MEI4: variants seen among roughly 807,000 people sequenced by gnomAD.
MEI4 encodes the protein meiotic double-stranded break formation protein 4.
MEI4 carries 27 observed loss-of-function variants against 31.4 expected under a neutral mutation model. That is an observed-to-expected ratio of 0.86 (90% confidence interval 0.63 to 1.19). MEI4 has a LOEUF of 1.19. Among genes scored for constraint, MEI4 ranks in the 50% most tolerant of loss-of-function variants. The pLI is 0.00. For missense variants in MEI4, 329 were observed against 398.9 expected (o/e 0.82, Z 1.49); for synonymous variants, 122 against 145.4 (o/e 0.84, Z 1.16).
Position 77,820,052 on chromosome 6 carries a change from T to G in MEI4, c.769-8879T>G, listed in dbSNP as rs1769780287. On this transcript the variant is annotated intron_variant, in intron 3 of 4. Transcript: ENST00000684080. The surrounding 1 kb of genome is among the most constrained non-coding windows in gnomAD (Gnocchi z 4.5). ...GCTTTCTGAGGACCTAAATCTTATT[T>G]TTTTCTGAATGGTTTTCCTTCTATC... 6.6e-6 allele frequency among the ~76,000 whole-genome samples: 1 copy of G among 152,182 alleles called. No individual in the cohort carries two copies. The highest frequency in any genetic ancestry group is 1.5e-5 in the Non-Finnish European group (1 of 68,024).
intron 2 of MEI4, among the ~76,000 whole-genome samples, chr6:77,744,400 G>T (rs185344926): frequency 6.6e-6 from 1 of 152,044 alleles, no homozygotes; most frequent in Non-Finnish European, 1.5e-5. Flanking sequence ...GAAATGAAGC[G>T]ACAAGAGAAG....
intron 4 of MEI4, among the ~76,000 whole-genome samples, chr6:77,902,240 G>A (rs1245985780): frequency 1.3e-5 from 2 of 151,924 alleles, no homozygotes; most frequent in Non-Finnish European, 2.9e-5. Flanking sequence ...CTTTTTCTGT[G>A]ACAAAATTCA....
At chr6:77,731,932 A>G (rs568341706) in intron 2 of MEI4, among the ~76,000 whole-genome samples, 2 of 150,588 alleles carry the variant, frequency 1.3e-5, no homozygotes, top group Non-Finnish European at 3.0e-5. Context: ...AAGATCAGAT[A>G]GTTGTACATA....
Position 77,787,447 on chromosome 6 carries a change from C to G in MEI4, c.768+25782C>G, listed in dbSNP as rs55830801. Among the ~76,000 whole-genome samples, 1,391 of 152,280 alleles carry G rather than the reference C, an allele frequency of 9.1e-3. 17 individuals carry two copies. Among genetic ancestry groups the G allele is most frequent in the African/African-American group, 0.031 (1,288 of 41,556 alleles). ...GTTGGTGGGGTGGTAGCCATCCCAACAGCCTTGGACCTCACTGCAGATCTA... is the reference window on the plus strand; with the variant it reads ...GTTGGTGGGGTGGTAGCCATCCCAAGAGCCTTGGACCTCACTGCAGATCTA... On this transcript the variant is annotated intron_variant, in intron 3 of 4. Coordinates refer to ENST00000684080, the MANE Select transcript of MEI4 (RefSeq NM_001322247.2).
At chr6:77,784,587 A>G (rs1768681955) in intron 3 of MEI4, among the ~76,000 whole-genome samples, 1 of 152,186 alleles carries the variant, frequency 6.6e-6, no homozygotes, top group Non-Finnish European at 1.5e-5. Context: ...AAGAAACTGT[A>G]CATCCTTAGG....
At position 77,923,722 on chromosome 6, in the gene MEI4, T is replaced by TGATGCTAAATGGTAATC. The variant is rs1766769771; in HGVS notation, c.*376_*377insGATGCTAAATGGTAATC. 4.6e-5 allele frequency: 3 copies of TGATGCTAAATGGTAATC among 64,810 alleles called. No individual in the cohort carries two copies. Among genetic ancestry groups the TGATGCTAAATGGTAATC allele is most frequent in the Non-Finnish European group, 7.4e-5 (3 of 40,368 alleles). 4.0% of individuals were successfully genotyped at this position (64,810 alleles called of 1,614,324 possible). ...AATGGTAATCAAAGAAAGAGATTTT[T>TGATGCTAAATGGTAATC]AAAGAAGTTTAGTTGCATTATCAAC... is the stretch of plus-strand genomic sequence containing the variant. On this transcript the variant is annotated 3_prime_UTR_variant, in exon 5 of 5. Coordinates refer to ENST00000684080, the MANE Select transcript of MEI4 (RefSeq NM_001322247.2).
chr6:77,708,325 A>G (rs1381348431), intron 2 of MEI4, among the ~76,000 whole-genome samples: 1 of 152,066 alleles, frequency 6.6e-6, no homozygotes. Context: ...TTTGCATGGG[A>G]TCTGTTGCCC....
chr6:77,882,717 AG>A (rs1385319385), intron 4 of MEI4, among the ~76,000 whole-genome samples: 1 of 152,136 alleles, frequency 6.6e-6, no homozygotes, highest in East Asian at 1.9e-4. Flanking sequence ...TCACTGTCTC[AG>A]GGCCTGCAAA....
intron 3 of MEI4, among the ~76,000 whole-genome samples, chr6:77,827,650 A>AT (rs888077911): frequency 6.6e-6 from 1 of 152,156 alleles, no homozygotes; most frequent in African/African-American, 2.4e-5. Context: ...AAAGATTATC[A>AT]TGTGTGTTGA....
At position 77,761,318 on chromosome 6, in the gene MEI4, G is replaced by GCTAT; in HGVS notation, c.423_426dup (p.Leu143TyrfsTer18). 1 of 1,232,602 alleles carries GCTAT rather than the reference G, an allele frequency of 8.1e-7. No individual in the cohort carries two copies. Among genetic ancestry groups the GCTAT allele is most frequent in the Non-Finnish European group, 1.0e-6 (1 of 988,054 alleles). The allele number at this position is 1,232,602 out of a possible 1,614,324, so 76.4% of individuals were successfully genotyped here. ...ACTGCCTCTTGTGAAAAGACCTTGT[G>GCTAT]CTATCCTGCAAAATCCTTTGTCTTC... On this transcript the variant is annotated frameshift_variant, in exon 3 of 5. Transcript: ENST00000684080. LOFTEE classifies it high-confidence loss of function.
intron 2 of MEI4, among the ~76,000 whole-genome samples, chr6:77,756,903 T>C (rs1404302630): frequency 6.6e-6 from 1 of 152,152 alleles, no homozygotes; most frequent in Non-Finnish European, 1.5e-5. Flanking sequence ...AGTGAAAAGA[T>C]CATAAGGATG....
At chr6:77,804,328 C>A (rs541396298) in intron 3 of MEI4, among the ~76,000 whole-genome samples, 5 of 152,100 alleles carry the variant, frequency 3.3e-5, no homozygotes, top group African/African-American at 4.8e-5. Flanking sequence ...GTGGGAGTGA[C>A]CCGATTTTCC....
At chr6:77,792,570 A>G (rs1768966223) in intron 3 of MEI4, among the ~76,000 whole-genome samples, 1 of 151,950 alleles carries the variant, frequency 6.6e-6, no homozygotes, top group Non-Finnish European at 1.5e-5. Context: ...GCTATGGAAC[A>G]TTTCTCCTAT....
intron 2 of MEI4, among the ~76,000 whole-genome samples, chr6:77,729,166 G>A (rs547997688): frequency 1.1e-4 from 17 of 152,298 alleles, no homozygotes; most frequent in African/African-American, 4.1e-4. Context: ...GAGAGTGGAG[G>A]TGGGATAAAT....
intron 4 of MEI4, among the ~76,000 whole-genome samples, chr6:77,913,041 A>G (rs1766465994): frequency 6.6e-6 from 1 of 152,124 alleles, no homozygotes; most frequent in Non-Finnish European, 1.5e-5. Flanking sequence ...ATGTAATCAA[A>G]TGTTTTATCT....
At position 77,924,033 on chromosome 6, in the gene MEI4, T is replaced by TAA. The variant is rs1383621381; in HGVS notation, c.*688_*689dup. 6.6e-6 allele frequency: 1 copy of TAA among 151,782 alleles called. No individual in the cohort carries two copies. Among genetic ancestry groups the TAA allele is most frequent in the African/African-American group, 2.4e-5 (1 of 41,420 alleles). 9.4% of individuals were successfully genotyped at this position (151,782 alleles called of 1,614,324 possible). A position where few individuals can be genotyped will look rare whatever the true frequency, so the allele number is the denominator to read the frequency against. On this transcript the variant is annotated 3_prime_UTR_variant, in exon 5 of 5. Transcript: ENST00000684080. Reference sequence around the variant, plus strand: ...AATTAAATATGTTATAATAGTCTTGTAATTGTTAAATAGTATACAATTAAG... The same window carrying TAA: ...AATTAAATATGTTATAATAGTCTTGTAAAATTGTTAAATAGTATACAATTAAG...
intron 4 of MEI4, among the ~76,000 whole-genome samples, chr6:77,832,383 G>A (rs1220595784): frequency 2.0e-5 from 3 of 151,884 alleles, no homozygotes; most frequent in Non-Finnish European, 4.4e-5. Context: ...CTCTATATAA[G>A]TCTGATTTAA....
chr6:77,824,620 C>T lies in MEI4; in HGVS notation c.769-4311C>T, dbSNP rs180971568. ...TATCCTGTAAGTTCTTTATGTTTTA[C>T]TTTATAAGCACCAAATATATTAGAC... On this transcript the variant is annotated intron_variant, in intron 3 of 4. Transcript: ENST00000684080. 5.8e-4 allele frequency among the ~76,000 whole-genome samples: 86 copies of T among 147,740 alleles called. 2 individuals are homozygous for T. Among genetic ancestry groups the T allele is most frequent in the African/African-American group, 1.6e-3 (62 of 39,760 alleles).
intron 3 of MEI4, among the ~76,000 whole-genome samples, chr6:77,805,437 C>G (rs1217875699): frequency 6.6e-6 from 1 of 152,012 alleles, no homozygotes; most frequent in Non-Finnish European, 1.5e-5. Flanking sequence ...TTTGAAAAAT[C>G]TTTTATGTAA....
Sources: allele counts gnomAD v4.1 joint callset (sites outside exome capture counted in the v4.1 genomes callset), GRCh38; gene constraint gnomAD v4.1.1; non-coding constraint Gnocchi (gnomAD v3.1); transcripts MANE v1.5; gene names NCBI Gene and HGNC (gene_info 2026-07-23, HGNC 2026-07-21).